METTL25: variants seen among roughly 807,000 people sequenced by gnomAD.
The protein encoded by METTL25 is methyltransferase like 25, also known as probable methyltransferase-like protein 25.
Under a neutral mutation model 71.6 loss-of-function variants are expected in METTL25, and 64 were observed. The ratio of observed to expected loss-of-function variants is 0.89; its 90% CI spans 0.73 to 1.10. The LOEUF is 1.10. Among genes scored for constraint, METTL25 ranks in the 50% least tolerant of loss-of-function variants. METTL25 has a pLI of 0.00. For synonymous variants in METTL25, 287 were observed against 250.3 expected (o/e 1.15, Z -1.38); for missense variants, 807 against 707.0 (o/e 1.14, Z -1.60).
chr12:82,438,169 CTT>C, intron 7 of METTL25, among the ~76,000 whole-genome samples: 1 of 151,800 alleles, frequency 6.6e-6, no homozygotes, highest in East Asian at 1.9e-4. Context: ...AGTGCAATCT[CTT>C]ATCCTATGTT....
intron 4 of METTL25, among the ~76,000 whole-genome samples, chr12:82,400,334 C>T (rs376785418): frequency 8.1e-6 from 1 of 123,838 alleles, no homozygotes; most frequent in Non-Finnish European, 1.9e-5. Flanking sequence ...GGTGTCCCCC[C>T]CAACAAAAAA....
At chr12:82,362,592 C>A (rs1358715941) in intron 1 of METTL25, among the ~76,000 whole-genome samples, 1 of 152,186 alleles carries the variant, frequency 6.6e-6, no homozygotes, top group Non-Finnish European at 1.5e-5. Context: ...GACATCCTCA[C>A]ATAAAACTTG....
intron 6 of METTL25, among the ~76,000 whole-genome samples, chr12:82,431,783 A>G (rs1889518524): frequency 6.6e-6 from 1 of 151,668 alleles, no homozygotes; most frequent in African/African-American, 2.4e-5. Flanking sequence ...TAATATACCT[A>G]ACTTACCAAA....
Position 82,376,759 on chromosome 12 carries a change from T to A in METTL25, c.260-10044T>A, listed in dbSNP as rs148421798. 9.5e-3 allele frequency among the ~76,000 whole-genome samples: 1,448 copies of A among 152,352 alleles called. 4 individuals carry two copies. Among genetic ancestry groups the A allele is most frequent in the Middle Eastern group, 0.017 (5 of 294 alleles). ...GAAGCATAATCTTATTGTTAAATTATCTTTAAATAATTACTTTTTGGAGGG... is the reference window on the plus strand; with the variant it reads ...GAAGCATAATCTTATTGTTAAATTAACTTTAAATAATTACTTTTTGGAGGG... On this transcript the variant is annotated intron_variant, in intron 1 of 11. Coordinates refer to ENST00000248306, the MANE Select transcript of METTL25 (RefSeq NM_032230.3).
At chr12:82,376,837 C>A (rs576154478) in intron 1 of METTL25, among the ~76,000 whole-genome samples, 1 of 151,976 alleles carries the variant, frequency 6.6e-6, no homozygotes, top group Non-Finnish European at 1.5e-5. Context: ...ATTTATTGGC[C>A]GGGCGCTGTG....
At chr12:82,451,913 G>A (rs981627403) in intron 8 of METTL25, among the ~76,000 whole-genome samples, 7 of 151,970 alleles carry the variant, frequency 4.6e-5, no homozygotes, top group Non-Finnish European at 8.8e-5. Flanking sequence ...GGAACACAGT[G>A]TGACATCTTT....
chr12:82,472,802 G>T (rs960198678), intron 9 of METTL25, among the ~76,000 whole-genome samples: 19 of 151,778 alleles, frequency 1.3e-4, no homozygotes, highest in South Asian at 8.3e-4. Flanking sequence ...ATTTTCTCTG[G>T]CATTTTGTGT....
chr12:82,386,325 C>T (rs1296757828), intron 1 of METTL25, among the ~76,000 whole-genome samples: 3 of 152,056 alleles, frequency 2.0e-5, no homozygotes, highest in Non-Finnish European at 2.9e-5. Context: ...CAGTGTTGCC[C>T]GGGCTGACTA....
At chr12:82,390,021 T>C (rs1436535979) in intron 3 of METTL25, 99 bp downstream of exon 3, 3 of 686,868 alleles carry the variant, frequency 4.4e-6, no homozygotes, top group Non-Finnish European at 7.8e-6. Flanking sequence ...CTTTAAAATG[T>C]CATTAAATAA....
chr12:82,410,652 G>T (rs535392226), intron 5 of METTL25, among the ~76,000 whole-genome samples: 1 of 152,060 alleles, frequency 6.6e-6, no homozygotes, highest in Non-Finnish European at 1.5e-5. Context: ...GGATCAAGAA[G>T]AATTATAAAC....
chr12:82,412,313 T>C (rs1432544661), intron 5 of METTL25, among the ~76,000 whole-genome samples: 1 of 152,120 alleles, frequency 6.6e-6, no homozygotes, highest in Non-Finnish European at 1.5e-5. Flanking sequence ...TTCATCACAA[T>C]CTATTCAATT....
Position 82,358,754 on chromosome 12 carries a change from G to T in METTL25, c.189G>T (p.Arg63Ser), listed in dbSNP as rs148294101. The change falls in exon 1 of 12, where the codon AGG (arginine) becomes AGT (serine). Residue 63 changes from arginine (R) to serine (S), a missense_variant. By Grantham distance (110) the Arg-to-Ser change is moderately radical. Transcript: ENST00000248306. Reference sequence around the variant, plus strand: ...CGGAGACAGTGCTGGCTGCGCTGAGGAAGTCAGCGTCGGAGACGGAGGCCC... The same window carrying T: ...CGGAGACAGTGCTGGCTGCGCTGAGTAAGTCAGCGTCGGAGACGGAGGCCC... ...LPPETVLAAL[R>S]KSASETEALP... is the part of the protein sequence containing the mutation. 6.3e-5 allele frequency: 102 copies of T among 1,613,956 alleles called. No homozygotes were observed. The highest frequency in any genetic ancestry group is 7.4e-5 in the Non-Finnish European group (87 of 1,180,028).
chr12:82,478,888 C>T (rs768446249), intron 11 of METTL25, 44 bp from the exon 12 acceptor site: 1 of 1,495,952 alleles, frequency 6.7e-7, no homozygotes, highest in African/African-American at 1.4e-5. Context: ...TAATTTTTTT[C>T]TTCAACAAAT....
At chr12:82,387,709 ACACGCG>A (rs1275641139) in intron 2 of METTL25, among the ~76,000 whole-genome samples, 1 of 28,984 alleles carries the variant, frequency 3.5e-5, no homozygotes, top group Non-Finnish European at 1.0e-4. Context: ...TTCTACACAC[ACACGCG>A]CACACACACA....
At chr12:82,366,962 A>G (rs1472452539) in intron 1 of METTL25, among the ~76,000 whole-genome samples, 1 of 152,228 alleles carries the variant, frequency 6.6e-6, no homozygotes, top group Admixed American at 6.5e-5. Flanking sequence ...AGAGAGCTGC[A>G]ATGCAAACAA....
At chr12:82,420,853 A>ATT (rs571228067) in intron 5 of METTL25, among the ~76,000 whole-genome samples, 9 of 147,976 alleles carry the variant, frequency 6.1e-5, no homozygotes, top group South Asian at 2.1e-4. Context: ...ATGAGGTTTG[A>ATT]TTTTTTTTTT....
intron 3 of METTL25, among the ~76,000 whole-genome samples, chr12:82,398,142 A>G (rs774945249): frequency 7.2e-5 from 11 of 151,746 alleles, no homozygotes; most frequent in Admixed American, 5.3e-4. Flanking sequence ...GCAGTGTTTT[A>G]TAGTTTTCAA....
In METTL25 at chr12:82,398,788, A is replaced by T. The variant is rs1447699855; in HGVS notation, c.532-7A>T. Reference sequence around the variant, plus strand: ...TTCTTTAATTTATTCTTTTTTTCTAATCTTAGGTGATTGACTTGGGTTCCG... The same window carrying T: ...TTCTTTAATTTATTCTTTTTTTCTATTCTTAGGTGATTGACTTGGGTTCCG... On this transcript the variant is annotated splice_region_variant and splice_polypyrimidine_tract_variant and intron_variant, in intron 3 of 11. Transcript: ENST00000248306. 1.3e-6 allele frequency: 2 copies of T among 1,499,310 alleles called. No homozygotes were observed. Among genetic ancestry groups the T allele is most frequent in the Non-Finnish European group, 1.8e-6 (2 of 1,131,352 alleles). 92.9% of individuals were successfully genotyped at this position (1,499,310 alleles called of 1,614,324 possible). A position where few individuals can be genotyped will look rare whatever the true frequency, so the allele number is the denominator to read the frequency against.
At chr12:82,421,825 C>T (rs866294742) in intron 5 of METTL25, among the ~76,000 whole-genome samples, 28 of 152,276 alleles carry the variant, frequency 1.8e-4, no homozygotes, top group Middle Eastern at 3.4e-3. Context: ...TTGACACATA[C>T]ACCCTCCCAA....
Sources: allele counts gnomAD v4.1 joint callset (sites outside exome capture counted in the v4.1 genomes callset), GRCh38; gene constraint gnomAD v4.1.1; transcripts MANE v1.5; gene names NCBI Gene and HGNC (gene_info 2026-07-23, HGNC 2026-07-21).